RNF111: variants seen among roughly 807,000 people sequenced by gnomAD.
The protein encoded by RNF111 is ring finger protein 111.
A neutral mutation model predicts 95.1 loss-of-function variants in RNF111; 17 were observed. The ratio of observed to expected loss-of-function variants is 0.18; its 90% CI spans 0.12 to 0.27. RNF111 has a LOEUF of 0.27. Ranked by LOEUF, RNF111 falls within the 10% of genes least tolerant of loss-of-function variation. The pLI, the probability that RNF111 is intolerant of heterozygous loss-of-function variation, is 1.00. For synonymous variants in RNF111, 440 were observed against 414.8 expected (o/e 1.06, Z -0.74); for missense variants, 1,189 against 1,210.4 (o/e 0.98, Z 0.26).
chr15:59,065,140 A>C, intron 5 of RNF111, among the ~76,000 whole-genome samples: 1 of 152,078 alleles, frequency 6.6e-6, no homozygotes, highest in East Asian at 1.9e-4. Flanking sequence ...CCAGAATTCT[A>C]AGGATTCTGA....
chr15:59,089,860 C>T (rs560399245), intron 11 of RNF111, 101 bp downstream of exon 11: 227 of 699,676 alleles, frequency 3.2e-4, no homozygotes, highest in Non-Finnish European at 5.0e-4. Flanking sequence ...GCTACAGTGG[C>T]TGGGAATCAC....
At chr15:59,091,986 C>T (rs182785250) in intron 12 of RNF111, among the ~76,000 whole-genome samples, 88 of 152,326 alleles carry the variant, frequency 5.8e-4, no homozygotes, top group Non-Finnish European at 1.1e-3. Flanking sequence ...TCACCTCCTG[C>T]TGTGCAGCCA....
chr15:59,053,101 GT>G (rs2042058793), intron 3 of RNF111, among the ~76,000 whole-genome samples: 1 of 152,108 alleles, frequency 6.6e-6, no homozygotes, highest in Non-Finnish European at 1.5e-5. Flanking sequence ...AACTTGTGCT[GT>G]TACTGTGTTA....
Position 59,066,994 on chromosome 15 carries a change from AGTGATCCTGCTTGCCCTG to A in RNF111, c.1598_1615del (p.Ser533_Val539delinsMet). 2 of 1,613,994 alleles carry A rather than the reference AGTGATCCTGCTTGCCCTG, an allele frequency of 1.2e-6. No homozygotes were observed. Among genetic ancestry groups the A allele is most frequent in the East Asian group, 4.5e-5 (2 of 44,870 alleles). On this transcript the variant is annotated inframe_deletion, in exon 6 of 14. Coordinates refer to ENST00000348370, the MANE Select transcript of RNF111 (RefSeq NM_017610.8). ...AGCTGTCCCAGTTTCTCCTTCCTTT[AGTGATCCTGCTTGCCCTG>A]TGGAAAGACCTCCACAAGTACAAGC...
intron 1 of RNF111, among the ~76,000 whole-genome samples, chr15:59,003,218 C>T (rs746255606): frequency 3.9e-5 from 6 of 152,238 alleles, no homozygotes; most frequent in South Asian, 4.2e-4. Context: ...TGGGCTCAAG[C>T]GATCCTCCCA....
intron 5 of RNF111, among the ~76,000 whole-genome samples, chr15:59,064,743 C>T (rs2042585724): frequency 6.6e-6 from 1 of 151,786 alleles, no homozygotes; most frequent in Non-Finnish European, 1.5e-5. Context: ...GCCAGACTAG[C>T]AGCTTGGAAA....
chr15:59,048,842 C>G (rs2041833195), intron 2 of RNF111, among the ~76,000 whole-genome samples: 1 of 152,058 alleles, frequency 6.6e-6, no homozygotes. Flanking sequence ...AACCCCAGCA[C>G]TTTGGGGGAC....
chr15:59,039,239 C>T (rs1294418899), intron 2 of RNF111, among the ~76,000 whole-genome samples: 2 of 152,170 alleles, frequency 1.3e-5, no homozygotes, highest in Admixed American at 6.5e-5. Context: ...GCTGGGATTA[C>T]AGGTGTGAGC....
intron 7 of RNF111, among the ~76,000 whole-genome samples, chr15:59,078,741 C>T (rs907408368): frequency 4.6e-5 from 7 of 151,734 alleles, no homozygotes; most frequent in Admixed American, 4.6e-4. Context: ...TGCCTGTAAT[C>T]GCAGCTACTC....
intron 2 of RNF111, among the ~76,000 whole-genome samples, chr15:59,035,253 C>T (rs117375620): frequency 0.01 from 1,536 of 152,300 alleles, 17 homozygotes; most frequent in Non-Finnish European, 0.017. Context: ...GGTAGGGATA[C>T]AGCCAGACCA....
chr15:59,061,903 C>T (rs759277530), intron 5 of RNF111, among the ~76,000 whole-genome samples: 14 of 152,040 alleles, frequency 9.2e-5, no homozygotes, highest in Non-Finnish European at 2.1e-4. Context: ...CAATTGTCTC[C>T]TTTTCATAAT....
intron 5 of RNF111, among the ~76,000 whole-genome samples, chr15:59,061,996 TATGCTG>T (rs2042457907): frequency 6.6e-6 from 1 of 152,016 alleles, no homozygotes; most frequent in Non-Finnish European, 1.5e-5. Context: ...CTATCACTAG[TATGCTG>T]ATGACTCTCT....
At chr15:59,053,537 CATCGAAGTG>C (rs2042079986) in intron 3 of RNF111, among the ~76,000 whole-genome samples, 1 of 152,194 alleles carries the variant, frequency 6.6e-6, no homozygotes, top group Admixed American at 6.5e-5. Context: ...GCCATTTTAG[CATCGAAGTG>C]CTACTTCTAA....
intron 1 of RNF111, among the ~76,000 whole-genome samples, chr15:59,012,110 C>G (rs774929605): frequency 7.0e-6 from 1 of 142,338 alleles, no homozygotes. Context: ...CCTCCGCCTC[C>G]TGAGTTCAGG....
At chr15:59,023,778 A>T (rs558480271) in intron 1 of RNF111, among the ~76,000 whole-genome samples, 1 of 152,304 alleles carries the variant, frequency 6.6e-6, no homozygotes, top group South Asian at 2.1e-4. Flanking sequence ...TTCACTATTA[A>T]CCATCAGTTT....
At position 58,998,386 on chromosome 15, in the gene RNF111, C is replaced by T. The variant is rs144285987; in HGVS notation, c.-20+10318C>T. 1.3e-4 allele frequency among the ~76,000 whole-genome samples: 20 copies of T among 152,058 alleles called. No homozygotes were observed. In the East Asian group the frequency reaches 3.9e-3, roughly 29 times the overall value. ...GTACCTGTTAGTTATTTTTCCTTAT[C>T]CTCTCCCTCCTCCCACCCTCCACAC... On this transcript the variant is annotated intron_variant, in intron 1 of 13. Transcript: ENST00000348370.
chr15:59,018,900 C>T (rs2040196556), intron 1 of RNF111, among the ~76,000 whole-genome samples: 2 of 151,930 alleles, frequency 1.3e-5, no homozygotes, highest in Admixed American at 1.3e-4. Flanking sequence ...CTTATTTGTG[C>T]ATATAACTGT....
intron 1 of RNF111, chr15:58,988,505 G>GGA (rs2038668444): frequency 6.6e-6 from 1 of 152,410 alleles, no homozygotes; most frequent in African/African-American, 2.4e-5. Context: ...CCGCGGAACA[G>GGA]CTGAAATACA....
intron 2 of RNF111, chr15:59,050,490 T>C (rs914183545): frequency 6.6e-6 from 1 of 152,212 alleles, no homozygotes; most frequent in African/African-American, 2.4e-5. Context: ...TTTTAAAAAG[T>C]AGACTTACCC....
Sources: allele counts gnomAD v4.1 joint callset (sites outside exome capture counted in the v4.1 genomes callset), GRCh38; gene constraint gnomAD v4.1.1; transcripts MANE v1.5; gene names NCBI Gene and HGNC (gene_info 2026-07-23, HGNC 2026-07-21).